NF1: variants seen among roughly 807,000 people sequenced by gnomAD.
The protein encoded by NF1 is neurofibromin 1.
NF1 carries 122 observed loss-of-function variants against 325.7 expected under a neutral mutation model. The observed-to-expected ratio is 0.37, with a 90% CI of 0.32 to 0.44. The LOEUF (loss-of-function observed/expected upper bound fraction) is 0.44, where lower values mean the gene tolerates loss of function less well. NF1 is among the 20% of genes least tolerant of loss of function. The probability of loss-of-function intolerance (pLI) is 1.00; values close to 1 mark genes in which losing one functional copy is unlikely to be tolerated. For missense variants in NF1, 2,140 were observed against 3,415.4 expected (o/e 0.63, Z 9.31); for synonymous variants, 1,091 against 1,186.0 (o/e 0.92, Z 1.65).
At chr17:31,139,777 T>C (rs1390004094) in intron 1 of NF1, among the ~76,000 whole-genome samples, 2 of 152,200 alleles carry the variant, frequency 1.3e-5, no homozygotes, top group Non-Finnish European at 2.9e-5. Flanking sequence ...AGATTTTCAC[T>C]CGTTAAGAAA....
chr17:31,234,876 A>G (rs761380858), intron 27 of NF1, among the ~76,000 whole-genome samples: 1 of 151,988 alleles, frequency 6.6e-6, no homozygotes, highest in African/African-American at 2.4e-5. Context: ...GGATTGAGGC[A>G]TCTTTTTATG....
In NF1 at chr17:31,356,220, T is replaced by C. The variant is rs577601043; in HGVS notation, c.7616-240T>C. ...TTTACCTCCAGTGTACAGAATACAATCTCAGTTTAATTTGCACCAGTAAGG... is the reference window on the plus strand; with the variant it reads ...TTTACCTCCAGTGTACAGAATACAACCTCAGTTTAATTTGCACCAGTAAGG... On this transcript the variant is annotated intron_variant, in intron 51 of 57. Coordinates refer to ENST00000358273, the MANE Select transcript of NF1 (RefSeq NM_001042492.3). 7.1e-5 allele frequency: 31 copies of C among 438,504 alleles called. No individual in the cohort carries two copies. The East Asian group carries it at 8.8e-4, about 13-fold the overall frequency. 27.2% of individuals were successfully genotyped at this position (438,504 alleles called of 1,614,324 possible). A position where few individuals can be genotyped will look rare whatever the true frequency, so the allele number is the denominator to read the frequency against.
At chr17:31,096,674 A>G (rs975314153) in intron 1 of NF1, among the ~76,000 whole-genome samples, 3 of 152,318 alleles carry the variant, frequency 2.0e-5, no homozygotes, top group South Asian at 4.2e-4. Context: ...TATTTGATGC[A>G]TAAACATTTC....
rs559118461 is a variant in NF1, at chr17:31,287,582, CAG to C, written c.4835+22244_4835+22245del. 4.0e-3 allele frequency among the ~76,000 whole-genome samples: 499 copies of C among 124,416 alleles called. 4 individuals are homozygous for C. The highest frequency in any genetic ancestry group is 0.02 in the African/African-American group (473 of 23,512). 81.6% of individuals were successfully genotyped at this position (124,416 alleles called of 152,430 possible). ...TGTGTGTGTGTGTGTGTGTGTGACA[CAG>C]GGTGTGGCTTTGTCACCCAGGCTAG... On this transcript the variant is annotated intron_variant, in intron 36 of 57. Transcript: ENST00000358273.
chr17:31,215,815 A>G (rs1206267938), intron 13 of NF1, among the ~76,000 whole-genome samples: 1 of 152,206 alleles, frequency 6.6e-6, no homozygotes, highest in Non-Finnish European at 1.5e-5. Context: ...TTTTGGTGGC[A>G]TATTTTTTAA....
At chr17:31,338,296 A>C (rs1049538826) in intron 45 of NF1, among the ~76,000 whole-genome samples, 157 bp downstream of exon 45, 10 of 152,174 alleles carry the variant, frequency 6.6e-5, no homozygotes, top group Non-Finnish European at 1.2e-4. Flanking sequence ...ATTTATTGTA[A>C]TTCTTTGAAG....
chr17:31,237,913 T>G (rs1189211023), intron 29 of NF1, among the ~76,000 whole-genome samples: 1 of 152,110 alleles, frequency 6.6e-6, no homozygotes, highest in Non-Finnish European at 1.5e-5. Flanking sequence ...CACTCTGACA[T>G]GTCAAGAGCT....
At chr17:31,131,998 A>G (rs559934150) in intron 1 of NF1, among the ~76,000 whole-genome samples, 10 of 151,870 alleles carry the variant, frequency 6.6e-5, no homozygotes, top group Admixed American at 5.9e-4. Flanking sequence ...TGGTGTGATC[A>G]CTGTTCACTG....
At chr17:31,265,741 T>C (rs1597753797) in intron 36 of NF1, among the ~76,000 whole-genome samples, 1 of 152,170 alleles carries the variant, frequency 6.6e-6, no homozygotes, top group Admixed American at 6.5e-5. Flanking sequence ...TTTAAAAATA[T>C]GCTGTGTAAG....
intron 36 of NF1, among the ~76,000 whole-genome samples, chr17:31,319,755 GAA>G (rs71142045): frequency 0.16 from 19,130 of 117,830 alleles, 1,523 homozygotes; most frequent in Non-Finnish European, 0.21. Flanking sequence ...AAAATCTGAA[GAA>G]AAAAAAAAAA....
chr17:31,166,296 T>C (rs1365353026), intron 4 of NF1, among the ~76,000 whole-genome samples: 1 of 152,210 alleles, frequency 6.6e-6, no homozygotes, highest in East Asian at 1.9e-4. Context: ...TTTTTATATG[T>C]CTCTGATCAT....
At chr17:31,251,704 C>T (rs2067496436) in intron 30 of NF1, 1 of 201,258 alleles carries the variant, frequency 5.0e-6, no homozygotes, top group Non-Finnish European at 1.0e-5. Flanking sequence ...AGTTATATAC[C>T]ACTGTTACTA....
At position 31,158,870 on chromosome 17, in the gene NF1, A is replaced by C. The variant is rs1597629464; in HGVS notation, c.205-140A>C. 4 of 567,018 alleles carry C rather than the reference A, an allele frequency of 7.1e-6. No individual in the cohort carries two copies. The East Asian group carries it at 1.3e-4, about 18-fold the overall frequency. 35.1% of individuals were successfully genotyped at this position (567,018 alleles called of 1,614,324 possible). A position where few individuals can be genotyped will look rare whatever the true frequency, so the allele number is the denominator to read the frequency against. On this transcript the variant is annotated intron_variant, in intron 2 of 57. Coordinates refer to ENST00000358273, the MANE Select transcript of NF1 (RefSeq NM_001042492.3). ...TGAGGATTAGGATAAAATCAGAAATAATATATTTAAGTATAGTATAATCTG... is the reference window on the plus strand; with the variant it reads ...TGAGGATTAGGATAAAATCAGAAATCATATATTTAAGTATAGTATAATCTG...
chr17:31,332,086 TCAAAA>T (rs1314131779), intron 39 of NF1, among the ~76,000 whole-genome samples: 5 of 151,822 alleles, frequency 3.3e-5, no homozygotes, highest in African/African-American at 7.3e-5. Context: ...ACATAAAACT[TCAAAA>T]CATAGCTACT....
chr17:31,147,893 A>G (rs753960787), intron 1 of NF1, among the ~76,000 whole-genome samples: 21 of 152,154 alleles, frequency 1.4e-4, no homozygotes, highest in Non-Finnish European at 2.4e-4. Flanking sequence ...AGTTTTGCCA[A>G]TCTAGCCCTC....
chr17:31,251,242 C>T (rs1300274954), intron 30 of NF1: 1 of 206,318 alleles, frequency 4.8e-6, no homozygotes, highest in Non-Finnish European at 9.9e-6. Context: ...TCCTGCTCTT[C>T]TGTGTTCTGC....
At chr17:31,203,829 A>G (rs892252550) in intron 11 of NF1, among the ~76,000 whole-genome samples, 5 of 152,102 alleles carry the variant, frequency 3.3e-5, no homozygotes, top group African/African-American at 9.7e-5. Context: ...AGTGATGTGT[A>G]TTGAGGGTTT....
At chr17:31,231,234 G>C (rs531821492) in intron 24 of NF1, among the ~76,000 whole-genome samples, 2 of 152,250 alleles carry the variant, frequency 1.3e-5, no homozygotes, top group Non-Finnish European at 2.9e-5. Flanking sequence ...TGATTAGATA[G>C]ATAAAGGTAT....
intron 36 of NF1, among the ~76,000 whole-genome samples, chr17:31,282,401 T>C (rs912719641): frequency 6.9e-6 from 1 of 145,202 alleles, no homozygotes; most frequent in Non-Finnish European, 1.5e-5. Flanking sequence ...AAAAAAAAAG[T>C]ATACAATTTT....
Sources: allele counts gnomAD v4.1 joint callset (sites outside exome capture counted in the v4.1 genomes callset), GRCh38; gene constraint gnomAD v4.1.1; transcripts MANE v1.5; gene names NCBI Gene and HGNC (gene_info 2026-07-23, HGNC 2026-07-21).